Variants in SLC25A10 observed in about 807,000 individuals in gnomAD.
The protein encoded by SLC25A10 is solute carrier family 25 member 10, also known as mitochondrial dicarboxylate carrier.
In SLC25A10, 32 loss-of-function variants were observed where a neutral mutation model predicts 40.4. That is an observed-to-expected ratio of 0.79 (90% CI 0.60 to 1.06). The LOEUF is 1.06. Among genes scored for constraint, SLC25A10 ranks in the 50% least tolerant of loss-of-function variants. SLC25A10 has a pLI of 0.00. For missense variants in SLC25A10, 394 were observed against 402.6 expected, an observed-to-expected ratio of 0.98 and a Z score of 0.18; for synonymous variants, 181 against 171.1, an observed-to-expected ratio of 1.06 and a Z score of -0.45.
In SLC25A10 at chr17:81,720,763, A is replaced by G; in HGVS notation, c.*686A>G. 2 of 345,556 alleles carry G rather than the reference A, an allele frequency of 5.8e-6. No individual in the cohort carries two copies. Among genetic ancestry groups the G allele is most frequent in the Non-Finnish European group, 1.0e-5 (2 of 192,030 alleles). The allele number at this position is 345,556 out of a possible 1,614,324, so 21.4% of individuals were successfully genotyped here. A position where few individuals can be genotyped will look rare whatever the true frequency, so the allele number is the denominator to read the frequency against. On this transcript the variant is annotated 3_prime_UTR_variant, in exon 11 of 11. Transcript: ENST00000350690. ...CAGTTAGTTTTGCCAAAGCCTCTCC[A>G]CTCACCAGCAGGCGGTCTCTGTCTT...
Position 81,720,116 on chromosome 17 carries a change from C to A in SLC25A10, c.*39C>A. 1 of 1,608,564 alleles carries A rather than the reference C, an allele frequency of 6.2e-7. No individual in the cohort carries two copies. Among genetic ancestry groups the A allele is most frequent in the Non-Finnish European group, 8.5e-7 (1 of 1,179,586 alleles). ...TGGCTGGGCTGCCAGGCCAGACACG[C>A]TAGGTTCTTCCAAAGAGTCCCAAGC... On this transcript the variant is annotated 3_prime_UTR_variant, in exon 11 of 11. Transcript: ENST00000350690.
At chr17:81,717,935 C>A in intron 9 of SLC25A10, 74 bp downstream of exon 9, 1 of 1,170,418 alleles carries the variant, frequency 8.5e-7, no homozygotes, top group Non-Finnish European at 1.2e-6. Flanking sequence ...GGGGTGGACA[C>A]TCGCACTGGG....
intron 6 of SLC25A10, 72 bp from the exon 7 acceptor site, chr17:81,716,930 G>A (rs994906252): frequency 4.8e-5 from 77 of 1,605,562 alleles, no homozygotes; most frequent in East Asian, 2.2e-4. Flanking sequence ...AAGACTGGGC[G>A]CTGAGGGATT....
rs1171633666 is a variant in SLC25A10 at position 81,720,508 on chromosome 17, C to T, written c.*431C>T. Reference sequence around the variant, plus strand: ...GGGTGCAGCCTGGCTGTTGCTCACCCAAGTGCTAGCTCTGCACTTCGTGTC... The same window carrying T: ...GGGTGCAGCCTGGCTGTTGCTCACCTAAGTGCTAGCTCTGCACTTCGTGTC... On this transcript the variant is annotated 3_prime_UTR_variant, in exon 11 of 11. Transcript: ENST00000350690. 1.1e-5 allele frequency: 14 copies of T among 1,314,772 alleles called. No homozygotes were observed. 81.4% of individuals were successfully genotyped at this position (1,314,772 alleles called of 1,614,324 possible).
At position 81,714,949 on chromosome 17, in the gene SLC25A10, G is replaced by A. The variant is rs747596353; in HGVS notation, c.94-4G>A. The A allele has an allele frequency of 9.3e-6, 15 of 1,607,034 alleles. No homozygotes were observed. The highest frequency in any genetic ancestry group is 8.3e-5 in the Admixed American group (5 of 59,982). ...GTGGGGTCTGAGAGCACTCACTCCC[G>A]CAGGTGCATCTGCAGACGCAGCAGG... On this transcript the variant is annotated splice_polypyrimidine_tract_variant and splice_region_variant and intron_variant, in intron 1 of 10. Transcript: ENST00000350690.
At chr17:81,719,585 C>T (rs1428438635) in intron 9 of SLC25A10, among the ~76,000 whole-genome samples, 1 of 152,216 alleles carries the variant, frequency 6.6e-6, no homozygotes, top group Admixed American at 6.5e-5. Context: ...CACTGGACCC[C>T]GGGCTGCACC....
At position 81,715,021 on chromosome 17, in the gene SLC25A10, C is replaced by A; in HGVS notation, c.162C>A (p.Thr54=). 2 of 1,609,998 alleles carry A rather than the reference C, an allele frequency of 1.2e-6. No homozygotes were observed. The highest frequency in any genetic ancestry group is 1.1e-5 in the South Asian group (1 of 91,018). Residue 54 remains threonine, a synonymous_variant, in exon 2 of 11, where the codon ACC becomes ACA. Transcript: ENST00000350690. ...MTGMALRVVR[T]DGILALYSGL... ...GCATGGCGCTGCGGGTGGTGCGTAC[C>A]GACGGCATCCTGGCACTCTACAGCG...
chr17:81,720,818 CT>C lies in SLC25A10; in HGVS notation c.*742del. 1 of 245,458 alleles carries C rather than the reference CT, an allele frequency of 4.1e-6. No homozygotes were observed. The highest frequency in any genetic ancestry group is 7.8e-6 in the Non-Finnish European group (1 of 128,230). The allele number at this position is 245,458 out of a possible 1,614,324, so 15.2% of individuals were successfully genotyped here. ...GATTGTGCCTGCGTCCCTCGGGCACCTGGGCCCCCCCGCTTGGCTCCCTGGG... is the reference window on the plus strand; with the variant it reads ...GATTGTGCCTGCGTCCCTCGGGCACCGGGCCCCCCCGCTTGGCTCCCTGGG... On this transcript the variant is annotated 3_prime_UTR_variant, in exon 11 of 11. Transcript: ENST00000350690.
intron 4 of SLC25A10, 34 bp from the exon 5 acceptor site, chr17:81,715,975 C>T (rs369595843): frequency 2.9e-5 from 45 of 1,534,832 alleles, no homozygotes; most frequent in South Asian, 7.1e-5. Flanking sequence ...CCCCTCGGCC[C>T]GCCCGCCCCT....
In SLC25A10 at chr17:81,715,589, A is replaced by C; in HGVS notation, c.325A>C (p.Ser109Arg). ...CGAGAAGGTGTTGCTGGGCTCCGTC[A>C]GCGGTGAGCTGCCGGGCGGGAGGGG... ...FHEKVLLGSV[S>R]GLAGGFVGTP... The change falls in exon 3 of 11, where the codon AGC becomes CGC. Residue 109 changes from serine (S) to arginine (R), a missense_variant. By Grantham distance (110) the Ser-to-Arg change is moderately radical. Transcript: ENST00000350690. 1 of 1,611,222 alleles carries C rather than the reference A, an allele frequency of 6.2e-7. No individual in the cohort carries two copies. The highest frequency in any genetic ancestry group is 8.5e-7 in the Non-Finnish European group (1 of 1,178,500).
chr17:81,715,195 G>A, intron 2 of SLC25A10, 123 bp downstream of exon 2: 2 of 1,427,214 alleles, frequency 1.4e-6, no homozygotes, highest in East Asian at 2.5e-5. Flanking sequence ...CCGAGAGCTG[G>A]TGACCCCAGG....
rs546856609 is a variant in SLC25A10 at position 81,716,349 on chromosome 17, C to T, written c.419+299C>T. On this transcript the variant is annotated intron_variant, in intron 5 of 10. Transcript: ENST00000350690. ...ATGGAGAGAGCGCATGCAACAGAAA[C>T]GCCCGAAGGAGGCGCTGCCTCCCTG... Among the ~76,000 whole-genome samples the T allele has an allele frequency of 4.6e-5, 7 of 152,322 alleles. No homozygotes were observed. The South Asian group carries it at 6.2e-4, about 14-fold the overall frequency.
At chr17:81,719,253 A>G (rs962389386) in intron 9 of SLC25A10, among the ~76,000 whole-genome samples, 10 of 151,452 alleles carry the variant, frequency 6.6e-5, no homozygotes, top group African/African-American at 2.2e-4. Context: ...TTTTTAGTAG[A>G]GACAAGGTTT....
chr17:81,716,894 G>A lies in SLC25A10; in HGVS notation c.463+39G>A, dbSNP rs773436433. 5 of 1,608,022 alleles carry A rather than the reference G, an allele frequency of 3.1e-6. No individual in the cohort carries two copies. In the East Asian group the frequency reaches 1.1e-4, roughly 36 times the overall value. ...GCTGTGCACAGGCAGGGTTCTGGGG[G>A]GCAGGCAGGGTGGGCAGCGCTGTAG... On this transcript the variant is annotated intron_variant, in intron 6 of 10. Coordinates refer to ENST00000350690, the MANE Select transcript of SLC25A10 (RefSeq NM_012140.5).
chr17:81,714,715 C>T (rs1166378810), intron 1 of SLC25A10, among the ~76,000 whole-genome samples: 1 of 152,230 alleles, frequency 6.6e-6, no homozygotes, highest in African/African-American at 2.4e-5. Flanking sequence ...GCAGCCAATA[C>T]TCAGGTGGTA....
In SLC25A10 at chr17:81,712,462, CG is replaced by C. The variant is rs747585664; in HGVS notation, c.42del (p.Leu15TrpfsTer26). On this transcript the variant is annotated frameshift_variant, in exon 1 of 11. Transcript: ENST00000350690. LOFTEE classifies it high-confidence loss of function. The stretch of plus-strand genomic sequence containing the variant: ...AGGCGCGCGTGTCGCGCTGGTACTT[CG>C]GGGGGCTGGCCTCCTGCGGGGCCGC... ...AEARVSRWYF[G>X]GLASCGAACC... The C allele has an allele frequency of 6.9e-6, 9 of 1,309,720 alleles. No individual in the cohort carries two copies. The highest frequency in any genetic ancestry group is 3.7e-5 in the Admixed American group (1 of 27,098). The allele number at this position is 1,309,720 out of a possible 1,614,324, so 81.1% of individuals were successfully genotyped here.
chr17:81,719,969 C>T lies in SLC25A10; in HGVS notation c.763-7C>T, dbSNP rs1322114831. The T allele has an allele frequency of 4.3e-6, 7 of 1,613,814 alleles. No homozygotes were observed. In the East Asian group the frequency reaches 6.7e-5, roughly 15 times the overall value. The stretch of plus-strand genomic sequence containing the variant: ...CTGTGTCTCTCATTTTCCCTGTCTC[C>T]CTCCAGGGCCTCGTCCCAGCTGGCA... On this transcript the variant is annotated splice_polypyrimidine_tract_variant and splice_region_variant and intron_variant, in intron 10 of 10. Coordinates refer to ENST00000350690, the MANE Select transcript of SLC25A10 (RefSeq NM_012140.5).
At chr17:81,714,784 C>G (rs2037448664) in intron 1 of SLC25A10, among the ~76,000 whole-genome samples, 169 bp from the exon 2 acceptor site, 1 of 152,216 alleles carries the variant, frequency 6.6e-6, no homozygotes, top group Admixed American at 6.5e-5. Context: ...GGTGTGGTTG[C>G]TGTTGGAAAG....
At chr17:81,717,168 C>T in intron 7 of SLC25A10, 96 bp downstream of exon 7, 3 of 1,409,430 alleles carry the variant, frequency 2.1e-6, no homozygotes, top group East Asian at 2.3e-5. Context: ...GCGCCAAAAC[C>T]CTCCTGGGGA....
Sources: gnomAD v4.1 joint callset for allele counts (sites outside exome capture counted in the v4.1 genomes callset) on GRCh38, gnomAD v4.1.1 for gene constraint, MANE v1.5 for transcripts, NCBI Gene and HGNC (gene_info 2026-07-23, HGNC 2026-07-21) for gene names.